Variants in ARGLU1 observed in about 807,000 individuals in gnomAD.
ARGLU1 encodes arginine and glutamate rich 1.
A neutral mutation model predicts 37.6 loss-of-function variants in ARGLU1; 9 were observed. The ratio of observed to expected loss-of-function variants is 0.24; its 90% CI spans 0.14 to 0.42. The LOEUF is 0.42. ARGLU1 is among the 10% of genes least tolerant of loss of function. The probability of loss-of-function intolerance (pLI) is 1.00; values close to 1 mark genes in which losing one functional copy is unlikely to be tolerated. For synonymous variants in ARGLU1, 166 were observed against 138.5 expected (o/e 1.20, Z -1.39); for missense variants, 211 against 359.2 (o/e 0.59, Z 3.34).
intron 1 of ARGLU1, among the ~76,000 whole-genome samples, chr13:106,563,514 A>G (rs895343493): frequency 6.6e-6 from 1 of 152,146 alleles, no homozygotes; most frequent in African/African-American, 2.4e-5. Context: ...AAGGAAGAAA[A>G]AAGTATAGGC....
Position 106,557,954 on chromosome 13 carries a change from G to C in ARGLU1, c.574-823C>G, listed in dbSNP as rs1016693365. 1 of 985,236 alleles carries C rather than the reference G, an allele frequency of 1.0e-6. No homozygotes were observed. Among genetic ancestry groups the C allele is most frequent in the Admixed American group, 6.2e-5 (1 of 16,256 alleles). 61.0% of individuals were successfully genotyped at this position (985,236 alleles called of 1,614,324 possible). A position where few individuals can be genotyped will look rare whatever the true frequency, so the allele number is the denominator to read the frequency against. ...AACTCAGAAATCCAGGGGATGCATGGTCAGGAAATAAAATTCTTCAACTTA... is the reference window on the plus strand; with the variant it reads ...AACTCAGAAATCCAGGGGATGCATGCTCAGGAAATAAAATTCTTCAACTTA... On this transcript the variant is annotated intron_variant, in intron 2 of 3. Transcript: ENST00000400198. The surrounding 1 kb of genome is among the most constrained non-coding windows in gnomAD (Gnocchi z 5.0).
In ARGLU1 at chr13:106,559,554, C is replaced by T; in HGVS notation, c.451G>A (p.Asp151Asn). 1 of 1,614,164 alleles carries T rather than the reference C, an allele frequency of 6.2e-7. No homozygotes were observed. Among genetic ancestry groups the T allele is most frequent in the Non-Finnish European group, 8.5e-7 (1 of 1,180,040 alleles). ...RVEEELEKRK[D>N]EIEREVLRRV... ...CGGAGAACTTCTCGTTCAATTTCAT[C>T]CTTCCTTTTCTCCAGTTCTTCCTCC... Residue 151 changes from aspartate (D) to asparagine (N), a missense_variant, in exon 2 of 4, where the codon GAT becomes AAT. By Grantham distance (23) the Asp-to-Asn change is conservative (BLOSUM62 1). Coordinates refer to ENST00000400198, the MANE Select transcript of ARGLU1 (RefSeq NM_018011.4).
At chr13:106,549,960 C>G (rs1880494098) in intron 3 of ARGLU1, among the ~76,000 whole-genome samples, 1 of 152,194 alleles carries the variant, frequency 6.6e-6, no homozygotes, top group Non-Finnish European at 1.5e-5. Context: ...ACTTTCTGTT[C>G]TAAAATTTCA....
chr13:106,559,034 C>T (rs534943021), intron 2 of ARGLU1: 1 of 1,193,442 alleles, frequency 8.4e-7, no homozygotes, highest in East Asian at 5.8e-5. Context: ...AAAAGCCTCT[C>T]ACAGTCTAGG....
intron 3 of ARGLU1, among the ~76,000 whole-genome samples, chr13:106,556,820 TC>T (rs547927265): frequency 1.6e-3 from 238 of 152,266 alleles, no homozygotes; most frequent in Non-Finnish European, 2.4e-3. Context: ...CAAAATAATT[TC>T]CCCAGAAAAC....
Position 106,542,716 on chromosome 13 carries a change from A to G in ARGLU1, c.*1280T>C, listed in dbSNP as rs1400135133. 2 of 152,058 alleles carry G rather than the reference A, an allele frequency of 1.3e-5. No individual in the cohort carries two copies. The highest frequency in any genetic ancestry group is 6.5e-5 in the Admixed American group (1 of 15,270). 9.4% of individuals were successfully genotyped at this position (152,058 alleles called of 1,614,324 possible). A position where few individuals can be genotyped will look rare whatever the true frequency, so the allele number is the denominator to read the frequency against. On this transcript the variant is annotated 3_prime_UTR_variant, in exon 4 of 4. Coordinates refer to ENST00000400198, the MANE Select transcript of ARGLU1 (RefSeq NM_018011.4). ...GCATCTCAGGTAGCATTTTAGATCA[A>G]TATCCTTTTCTTGAATGTTTTAATA...
chr13:106,548,034 G>C (rs1880437980), intron 3 of ARGLU1, among the ~76,000 whole-genome samples: 1 of 152,156 alleles, frequency 6.6e-6, no homozygotes, highest in African/African-American at 2.4e-5. Flanking sequence ...GCTCAACAAT[G>C]TTAATCACCA....
chr13:106,546,343 A>G (rs1296445280), intron 3 of ARGLU1, among the ~76,000 whole-genome samples: 5 of 152,218 alleles, frequency 3.3e-5, no homozygotes, highest in Non-Finnish European at 7.3e-5. Flanking sequence ...TCTCTAAGAC[A>G]AGATTTTCTA....
In ARGLU1 at chr13:106,567,451, G is replaced by GGTCCCCAGCCCCGGACC. The variant is rs1196072698; in HGVS notation, c.347+105_347+121dup. ...GCCTCTCCGACCCGTTCCCGCGCCC[G>GGTCCCCAGCCCCGGACC]GTCCCCAGCCCCGGACCGTCCCCGC... On this transcript the variant is annotated intron_variant, in intron 1 of 3. Coordinates refer to ENST00000400198, the MANE Select transcript of ARGLU1 (RefSeq NM_018011.4). The surrounding 1 kb of genome is among the most constrained non-coding windows in gnomAD (Gnocchi z 4.3). The GGTCCCCAGCCCCGGACC allele has an allele frequency of 3.4e-5, 22 of 646,170 alleles. No homozygotes were observed. Among genetic ancestry groups the GGTCCCCAGCCCCGGACC allele is most frequent in the Non-Finnish European group, 2.4e-6 (1 of 413,700 alleles). 40.0% of individuals were successfully genotyped at this position (646,170 alleles called of 1,614,324 possible). A position where few individuals can be genotyped will look rare whatever the true frequency, so the allele number is the denominator to read the frequency against.
rs9587157 is a variant in ARGLU1 at position 106,557,030 on chromosome 13, T to G, written c.657+18A>C. ...AAAGCAAAATACAAAACACTTTTCA[T>G]GTATGCTTTACACTTACCAGTTTGG... On this transcript the variant is annotated intron_variant, in intron 3 of 3. Coordinates refer to ENST00000400198, the MANE Select transcript of ARGLU1 (RefSeq NM_018011.4). This position sits in a 1 kb window ranked among gnomAD's most constrained non-coding sequence, Gnocchi z 5.0. 2.5e-6 allele frequency: 4 copies of G among 1,598,324 alleles called. No individual in the cohort carries two copies. The highest frequency in any genetic ancestry group is 4.5e-5 in the East Asian group (2 of 44,730).
intron 1 of ARGLU1, among the ~76,000 whole-genome samples, chr13:106,561,569 C>G (rs1478790925): frequency 6.6e-6 from 1 of 151,794 alleles, no homozygotes; most frequent in Admixed American, 6.6e-5. Flanking sequence ...ATTAACAATA[C>G]TAGGTGGATC....
Position 106,543,920 on chromosome 13 carries a change from CAA to C in ARGLU1, c.*74_*75del. ...CAAATTAAAAAAACAAAAACAAAAA[CAA>C]AAAACCACTTCAACATGAAGCTACC... On this transcript the variant is annotated 3_prime_UTR_variant, in exon 4 of 4. Transcript: ENST00000400198. The C allele has an allele frequency of 7.2e-7, 1 of 1,385,886 alleles. No individual in the cohort carries two copies. Among genetic ancestry groups the C allele is most frequent in the Non-Finnish European group, 9.6e-7 (1 of 1,045,132 alleles). 85.8% of individuals were successfully genotyped at this position (1,385,886 alleles called of 1,614,324 possible).
chr13:106,552,941 G>A (rs2138968287), intron 3 of ARGLU1, among the ~76,000 whole-genome samples: 1 of 152,274 alleles, frequency 6.6e-6, no homozygotes, highest in East Asian at 1.9e-4. Context: ...ACTACCCATG[G>A]ATTAGAGCAC....
chr13:106,549,399 C>T (rs1199267368), intron 3 of ARGLU1, among the ~76,000 whole-genome samples: 2 of 152,092 alleles, frequency 1.3e-5, no homozygotes. Flanking sequence ...ATTCATCTTC[C>T]CTTCCATAAC....
At position 106,557,215 on chromosome 13, in the gene ARGLU1, T is replaced by C; in HGVS notation, c.574-84A>G. ...ATATTTACTAATCTTCCTCTGAACT[T>C]TTTTGATATGACTTACAGGGTAGCT... On this transcript the variant is annotated intron_variant, in intron 2 of 3. Coordinates refer to ENST00000400198, the MANE Select transcript of ARGLU1 (RefSeq NM_018011.4). The surrounding 1 kb of genome is among the most constrained non-coding windows in gnomAD (Gnocchi z 5.0). 8.2e-7 allele frequency: 1 copy of C among 1,214,426 alleles called. No individual in the cohort carries two copies. The highest frequency in any genetic ancestry group is 1.2e-6 in the Non-Finnish European group (1 of 840,568). The allele number at this position is 1,214,426 out of a possible 1,614,324, so 75.2% of individuals were successfully genotyped here. A position where few individuals can be genotyped will look rare whatever the true frequency, so the allele number is the denominator to read the frequency against.
At chr13:106,547,429 G>T (rs1880420638) in intron 3 of ARGLU1, among the ~76,000 whole-genome samples, 1 of 151,950 alleles carries the variant, frequency 6.6e-6, no homozygotes, top group East Asian at 1.9e-4. Context: ...TTACAACACA[G>T]TTTATAGAAA....
Position 106,567,632 on chromosome 13 carries a change from G to A in ARGLU1, c.288C>T (p.Asp96=), listed in dbSNP as rs779469935. The A allele has an allele frequency of 3.1e-6, 5 of 1,613,420 alleles. No individual in the cohort carries two copies. In the South Asian group the frequency reaches 4.4e-5, roughly 14 times the overall value. The change falls in exon 1 of 4, where the codon GAC becomes GAT. Residue 96 remains aspartate (D), a synonymous_variant. Coordinates refer to ENST00000400198, the MANE Select transcript of ARGLU1 (RefSeq NM_018011.4). This position sits in a 1 kb window ranked among gnomAD's most constrained non-coding sequence, Gnocchi z 4.3. ...GRTVSKRSSL[D]EKQKREEEEK... is the part of the protein sequence containing the mutation. ...CCTCCTCCTCTCGCTTCTGCTTCTC[G>A]TCCAGGCTGCTGCGCTTGCTCACCG... is the stretch of plus-strand genomic sequence containing the variant.
At chr13:106,563,005 A>AC (rs1880856592) in intron 1 of ARGLU1, among the ~76,000 whole-genome samples, 5 of 122,954 alleles carry the variant, frequency 4.1e-5, no homozygotes. Flanking sequence ...AAAAAAAAAA[A>AC]AAACAAAAAA....
chr13:106,567,911 C>T lies in ARGLU1; in HGVS notation c.9G>A (p.Arg3=), dbSNP rs780912770. The change falls in exon 1 of 4, where the codon CGG becomes CGA. Residue 3 remains arginine, a synonymous_variant. Transcript: ENST00000400198. This position sits in a 1 kb window ranked among gnomAD's most constrained non-coding sequence, Gnocchi z 4.3. ...AGCGGGACGAGCTCCGGCTCCGAGA[C>T]CGGCCCATCCTTCCGGGAGACGCTC... MG[R]SRSRSSSRSK... 5.0e-6 allele frequency: 8 copies of T among 1,607,602 alleles called. No homozygotes were observed. The highest frequency in any genetic ancestry group is 3.3e-5 in the South Asian group (3 of 90,910).
Sources: gnomAD v4.1 joint callset for allele counts (sites outside exome capture counted in the v4.1 genomes callset) on GRCh38, gnomAD v4.1.1 for gene constraint, Gnocchi (gnomAD v3.1) non-coding constraint, MANE v1.5 for transcripts, NCBI Gene and HGNC (gene_info 2026-07-23, HGNC 2026-07-21) for gene names.